The following TMEM132B variants were observed in gnomAD, a reference collection of about 807,000 sequenced individuals.
TMEM132B encodes the protein transmembrane protein 132B.
In TMEM132B, 18 loss-of-function variants were observed where a neutral mutation model predicts 90.8. The observed-to-expected ratio is 0.20, with a 90% confidence interval of 0.14 to 0.29. The LOEUF is 0.29. Among genes scored for constraint, TMEM132B ranks in the 10% least tolerant of loss-of-function variants. The pLI is 1.00. For synonymous variants in TMEM132B, 504 were observed against 523.3 expected (o/e 0.96, Z 0.50); for missense variants, 1,096 against 1,326.8 (o/e 0.83, Z 2.70).
chr12:125,636,571 C>T (rs1016193395), intron 5 of TMEM132B, among the ~76,000 whole-genome samples: 2 of 152,202 alleles, frequency 1.3e-5, no homozygotes, highest in Non-Finnish European at 2.9e-5. Context: ...TCCTACCCCT[C>T]TTCAAGCTGT....
chr12:125,642,590 G>A (rs559689507), intron 5 of TMEM132B, among the ~76,000 whole-genome samples: 1 of 152,280 alleles, frequency 6.6e-6, no homozygotes, highest in Admixed American at 6.5e-5. Context: ...GTTCTGACAG[G>A]ATAGGAAAGG....
chr12:125,450,788 T>C (rs1350449549), intron 3 of TMEM132B, among the ~76,000 whole-genome samples: 1 of 152,192 alleles, frequency 6.6e-6, no homozygotes, highest in Admixed American at 6.5e-5. Context: ...ATACCTTGAC[T>C]ATGTAGCTGA....
At chr12:125,518,567 T>G (rs866087184) in intron 3 of TMEM132B, among the ~76,000 whole-genome samples, 3 of 152,234 alleles carry the variant, frequency 2.0e-5, no homozygotes, top group Admixed American at 6.5e-5. Context: ...TCATTCACAA[T>G]CCTGTGCTGC....
At chr12:125,387,310 C>T (rs1878869490) in intron 2 of TMEM132B, among the ~76,000 whole-genome samples, 1 of 152,088 alleles carries the variant, frequency 6.6e-6, no homozygotes. Flanking sequence ...AATACTGGAC[C>T]CTTGAACACA....
chr12:125,489,024 C>A (rs1882282541), intron 3 of TMEM132B, among the ~76,000 whole-genome samples: 1 of 152,182 alleles, frequency 6.6e-6, no homozygotes, highest in Non-Finnish European at 1.5e-5. Flanking sequence ...TTTATTTATA[C>A]CAATCAGCAT....
At chr12:125,524,626 A>C (rs1397367445) in intron 4 of TMEM132B, among the ~76,000 whole-genome samples, 1 of 152,268 alleles carries the variant, frequency 6.6e-6, no homozygotes, top group Non-Finnish European at 1.5e-5. Context: ...TTGGCCTGGC[A>C]TACTGCATGC....
chr12:125,305,375 G>A lies in TMEM132B; in HGVS notation c.68-44077G>A, dbSNP rs140199980. On this transcript the variant is annotated intron_variant, in intron 1 of 8. Coordinates refer to ENST00000682704, the MANE Select transcript of TMEM132B (RefSeq NM_001366854.1). ...GTAACTAAAGTTCTGATGGGAAGTGGGAGTCCAATTTTAATGGCTTATCAG... is the reference window on the plus strand; with the variant it reads ...GTAACTAAAGTTCTGATGGGAAGTGAGAGTCCAATTTTAATGGCTTATCAG... Among the ~76,000 whole-genome samples, 1,400 of 151,654 alleles carry A rather than the reference G, an allele frequency of 9.2e-3. 14 individuals carry two copies. The highest frequency in any genetic ancestry group is 0.023 in the South Asian group (111 of 4,748).
intron 1 of TMEM132B, among the ~76,000 whole-genome samples, chr12:125,263,074 G>A (rs772122736): frequency 3.2e-4 from 49 of 152,344 alleles, no homozygotes; most frequent in Non-Finnish European, 2.6e-4. Context: ...AGAACTGCTC[G>A]TTCCTTCTCA....
At position 125,653,555 on chromosome 12, in the gene TMEM132B, T is replaced by C. The variant is rs1886980128; in HGVS notation, c.2107-10T>C. The C allele has an allele frequency of 6.3e-7, 1 of 1,594,458 alleles. No homozygotes were observed. The highest frequency in any genetic ancestry group is 8.6e-7 in the Non-Finnish European group (1 of 1,166,576). Reference sequence around the variant, plus strand: ...ATTATAACATAATGCTTTGGTTTCATTTTCCTCAGGAAGCAATAGTAAGTT... The same window carrying C: ...ATTATAACATAATGCTTTGGTTTCACTTTCCTCAGGAAGCAATAGTAAGTT... On this transcript the variant is annotated splice_polypyrimidine_tract_variant and intron_variant, in intron 8 of 8. Coordinates refer to ENST00000682704, the MANE Select transcript of TMEM132B (RefSeq NM_001366854.1).
intron 2 of TMEM132B, among the ~76,000 whole-genome samples, chr12:125,358,862 C>A (rs1293152146): frequency 2.0e-5 from 3 of 152,160 alleles, no homozygotes; most frequent in Admixed American, 6.6e-5. Flanking sequence ...TTGCTTATAA[C>A]TTTTGGCATC....
chr12:125,305,822 C>T (rs780840164), intron 1 of TMEM132B, among the ~76,000 whole-genome samples: 3 of 152,278 alleles, frequency 2.0e-5, no homozygotes, highest in South Asian at 4.1e-4. Flanking sequence ...ACCTGGCTGA[C>T]GTTGAGTTTC....
Position 125,519,344 on chromosome 12 carries a change from G to A in TMEM132B, c.1107-95G>A, listed in dbSNP as rs964997. On this transcript the variant is annotated intron_variant, in intron 3 of 8. Transcript: ENST00000682704. ...TGTTGAACTTGGCAGTCATTCTTTT[G>A]GTTGACAAATAAGAATGTGGCAATT... 263,469 of 1,296,028 alleles carry A rather than the reference G, an allele frequency of 0.2. 38,940 individuals carry two copies. Among genetic ancestry groups the A allele is most frequent in the East Asian group, 0.73 (30,986 of 42,240 alleles). The allele number at this position is 1,296,028 out of a possible 1,614,324, so 80.3% of individuals were successfully genotyped here.
At chr12:125,521,437 A>T (rs536651325) in intron 4 of TMEM132B, among the ~76,000 whole-genome samples, 1 of 152,360 alleles carries the variant, frequency 6.6e-6, no homozygotes, top group African/African-American at 2.4e-5. Context: ...TGTACAAAAA[A>T]TGGGCTCACT....
At chr12:125,571,802 C>T (rs1884802683) in intron 4 of TMEM132B, among the ~76,000 whole-genome samples, 1 of 152,134 alleles carries the variant, frequency 6.6e-6, no homozygotes, top group African/African-American at 2.4e-5. Flanking sequence ...TAAATTTCCT[C>T]AAAACTCTTA....
At chr12:125,353,308 C>A (rs1266632224) in intron 2 of TMEM132B, among the ~76,000 whole-genome samples, 3 of 152,172 alleles carry the variant, frequency 2.0e-5, no homozygotes, top group Admixed American at 1.3e-4. Flanking sequence ...TTGAACCCAC[C>A]CCTTCAGGCA....
chr12:125,569,295 C>T (rs763261607), intron 4 of TMEM132B, among the ~76,000 whole-genome samples: 11 of 152,102 alleles, frequency 7.2e-5, no homozygotes, highest in Admixed American at 5.2e-4. Flanking sequence ...TGGATATTAT[C>T]GCCCCACCTT....
intron 4 of TMEM132B, among the ~76,000 whole-genome samples, chr12:125,533,179 C>T (rs887810143): frequency 1.3e-5 from 2 of 152,178 alleles, no homozygotes; most frequent in Non-Finnish European, 2.9e-5. Flanking sequence ...TAATATAATT[C>T]CTACCAGAAG....
At chr12:125,341,799 G>A (rs1474422479) in intron 1 of TMEM132B, among the ~76,000 whole-genome samples, 1 of 152,214 alleles carries the variant, frequency 6.6e-6, no homozygotes, top group African/African-American at 2.4e-5. Context: ...TGCAGTCAGG[G>A]TTGAGAATCC....
intron 4 of TMEM132B, among the ~76,000 whole-genome samples, chr12:125,533,557 C>T (rs767184883): frequency 1.3e-5 from 2 of 152,220 alleles, no homozygotes; most frequent in Non-Finnish European, 2.9e-5. Flanking sequence ...CAAGGGGTCG[C>T]GATGGCATTT....
Sources: gnomAD v4.1 joint callset for allele counts (sites outside exome capture counted in the v4.1 genomes callset) on GRCh38, gnomAD v4.1.1 for gene constraint, MANE v1.5 for transcripts, NCBI Gene and HGNC (gene_info 2026-07-23, HGNC 2026-07-21) for gene names.